Variants in CNOT6L observed in about 807,000 individuals in gnomAD.
The protein encoded by CNOT6L is CCR4-NOT transcription complex subunit 6-like.
In CNOT6L, 7 loss-of-function variants were observed where a neutral mutation model predicts 64.0. That is an observed-to-expected ratio of 0.11 (90% CI 0.06 to 0.21). CNOT6L has a LOEUF of 0.21. Ranked by LOEUF, CNOT6L falls within the 10% of genes least tolerant of loss-of-function variation. The pLI is 1.00. For missense variants in CNOT6L, 245 were observed against 669.0 expected, an observed-to-expected ratio of 0.37 and a Z score of 6.99; for synonymous variants, 193 against 243.4, an observed-to-expected ratio of 0.79 and a Z score of 1.93.
At chr4:77,764,399 A>T (rs985192604) in intron 4 of CNOT6L, among the ~76,000 whole-genome samples, 2 of 152,258 alleles carry the variant, frequency 1.3e-5, no homozygotes, top group African/African-American at 4.8e-5. Context: ...ATTTAAAAAG[A>T]GAAAAGGGAA....
At chr4:77,801,919 T>C (rs921062835) in intron 1 of CNOT6L, among the ~76,000 whole-genome samples, 2 of 152,096 alleles carry the variant, frequency 1.3e-5, no homozygotes, top group South Asian at 4.2e-4. Flanking sequence ...AAAATCCTCA[T>C]AGTCCAGGAA....
At chr4:77,811,650 T>A (rs1732953519) in intron 1 of CNOT6L, among the ~76,000 whole-genome samples, 2 of 152,188 alleles carry the variant, frequency 1.3e-5, no homozygotes. Context: ...TGCCCCTTAT[T>A]ACCTGACATA....
intron 1 of CNOT6L, among the ~76,000 whole-genome samples, chr4:77,781,627 C>T (rs914300746): frequency 4.6e-5 from 7 of 152,186 alleles, no homozygotes; most frequent in African/African-American, 7.2e-5. Context: ...TAGCATAACT[C>T]CCCCTGAAAA....
At chr4:77,740,353 G>A (rs1261418478) in intron 8 of CNOT6L, among the ~76,000 whole-genome samples, 8 of 152,130 alleles carry the variant, frequency 5.3e-5, no homozygotes, top group African/African-American at 1.7e-4. Flanking sequence ...CTGGGTGACA[G>A]AGTAAGACTC....
At chr4:77,730,373 C>G (rs1364426090) in intron 9 of CNOT6L, among the ~76,000 whole-genome samples, 1 of 151,996 alleles carries the variant, frequency 6.6e-6, no homozygotes, top group Non-Finnish European at 1.5e-5. Flanking sequence ...TTTTCCCCTT[C>G]AAAGAGCCAT....
At chr4:77,802,768 A>C (rs1731739866) in intron 1 of CNOT6L, among the ~76,000 whole-genome samples, 1 of 152,226 alleles carries the variant, frequency 6.6e-6, no homozygotes, top group African/African-American at 2.4e-5. Flanking sequence ...AGATACAGAG[A>C]AGTTGTGCAG....
intron 8 of CNOT6L, among the ~76,000 whole-genome samples, chr4:77,741,607 C>A (rs182651030): frequency 2.6e-5 from 4 of 152,164 alleles, no homozygotes; most frequent in African/African-American, 9.6e-5. Flanking sequence ...GTCTTATATG[C>A]CTAGTTTTTC....
At chr4:77,752,480 T>C (rs1724963037) in intron 5 of CNOT6L, among the ~76,000 whole-genome samples, 2 of 152,306 alleles carry the variant, frequency 1.3e-5, no homozygotes, top group East Asian at 3.9e-4. Context: ...ATTAATCATC[T>C]GCAGAGGTAA....
At chr4:77,736,265 CAAAT>C (rs1320671972) in intron 8 of CNOT6L, among the ~76,000 whole-genome samples, 1 of 152,118 alleles carries the variant, frequency 6.6e-6, no homozygotes, top group East Asian at 1.9e-4. Flanking sequence ...CTAGTTGAAC[CAAAT>C]AAAGTTCCTT....
chr4:77,742,365 G>A, intron 7 of CNOT6L, 70 bp from the exon 8 acceptor site: 1 of 1,332,578 alleles, frequency 7.5e-7, no homozygotes, highest in Non-Finnish European at 1.1e-6. Flanking sequence ...AAAATGTTCA[G>A]CATTATGAGT....
chr4:77,777,566 A>G (rs1489327349), intron 1 of CNOT6L, among the ~76,000 whole-genome samples: 2 of 152,222 alleles, frequency 1.3e-5, no homozygotes, highest in Admixed American at 1.3e-4. Flanking sequence ...TCCAGTTCAT[A>G]TCTAACAAGA....
chr4:77,774,030 T>A (rs183124631), intron 3 of CNOT6L, among the ~76,000 whole-genome samples: 10 of 152,312 alleles, frequency 6.6e-5, no homozygotes, highest in African/African-American at 1.9e-4. Context: ...ATTGGAAACA[T>A]TTAGATAAGA....
At position 77,744,825 on chromosome 4, in the gene CNOT6L, G is replaced by A. The variant is rs1724015057; in HGVS notation, c.610C>T (p.Arg204Trp). 4.3e-6 allele frequency: 7 copies of A among 1,613,362 alleles called. No homozygotes were observed. The highest frequency in any genetic ancestry group is 2.2e-5 in the East Asian group (1 of 44,840). Residue 204 changes from arginine to tryptophan, a missense_variant, in exon 7 of 12, where the codon CGG becomes TGG. Transcript: ENST00000504123. Reference sequence around the variant, plus strand: ...GATGGGCAATAGCCATATAGCTGCCGGGTAGCGTATTTATCACATAACACA... The same window carrying A: ...GATGGGCAATAGCCATATAGCTGCCAGGTAGCGTATTTATCACATAACACA... ...YNVLCDKYAT[R>W]QLYGYCPSWA...
At chr4:77,749,605 C>T (rs2109971137) in intron 5 of CNOT6L, among the ~76,000 whole-genome samples, 1 of 152,278 alleles carries the variant, frequency 6.6e-6, no homozygotes, top group South Asian at 2.1e-4. Context: ...CACAATGTAG[C>T]AGTTTAAGTA....
chr4:77,737,248 G>C (rs1723058983), intron 8 of CNOT6L, among the ~76,000 whole-genome samples: 1 of 152,042 alleles, frequency 6.6e-6, no homozygotes, highest in Non-Finnish European at 1.5e-5. Flanking sequence ...AAACCAAATA[G>C]AAGTTCTTAC....
intron 4 of CNOT6L, among the ~76,000 whole-genome samples, chr4:77,772,745 A>AC (rs1727711745): frequency 1.3e-5 from 2 of 151,570 alleles, no homozygotes; most frequent in East Asian, 3.9e-4. Context: ...ACATGGTGAA[A>AC]CCCCGTCTCT....
intron 8 of CNOT6L, chr4:77,731,814 G>A (rs908153689): frequency 3.6e-6 from 1 of 275,010 alleles, no homozygotes; most frequent in Non-Finnish European, 6.7e-6. Flanking sequence ...TTGTGACCAT[G>A]AAATAAGAAG....
At chr4:77,803,421 G>A (rs1560436088) in intron 1 of CNOT6L, among the ~76,000 whole-genome samples, 2 of 152,140 alleles carry the variant, frequency 1.3e-5, no homozygotes, top group Non-Finnish European at 2.9e-5. Context: ...TATTAAATGT[G>A]TAATTACTTT....
chr4:77,794,672 T>C (rs151218458), intron 1 of CNOT6L, among the ~76,000 whole-genome samples: 3 of 152,332 alleles, frequency 2.0e-5, no homozygotes, highest in African/African-American at 7.2e-5. Flanking sequence ...CTAACATTAA[T>C]GGTGAAATTC....
Sources: allele counts gnomAD v4.1 joint callset (sites outside exome capture counted in the v4.1 genomes callset), GRCh38; gene constraint gnomAD v4.1.1; transcripts MANE v1.5; gene names NCBI Gene and HGNC (gene_info 2026-07-23, HGNC 2026-07-21).